Variants in MYO3B observed in about 807,000 individuals in gnomAD.
MYO3B encodes the protein myosin IIIB, also known as myosin-IIIb.
A neutral mutation model predicts 174.6 loss-of-function variants in MYO3B; 156 were observed. That is an observed-to-expected ratio of 0.89 (90% CI 0.78 to 1.02). The LOEUF (loss-of-function observed/expected upper bound fraction) is 1.02. Among genes scored for constraint, MYO3B ranks in the 50% least tolerant of loss-of-function variants. The pLI is 0.00. For synonymous variants in MYO3B, 563 were observed against 569.1 expected (o/e 0.99, Z 0.15); for missense variants, 1,632 against 1,639.4 (o/e 1.00, Z 0.08).
intron 1 of MYO3B, among the ~76,000 whole-genome samples, chr2:170,183,506 T>G (rs942906882): frequency 3.3e-5 from 5 of 152,166 alleles, no homozygotes; most frequent in Admixed American, 1.3e-4. Context: ...TTTTAACATA[T>G]AGAAAAATAT....
At chr2:170,559,248 G>GCACA (rs1691551861) in intron 32 of MYO3B, among the ~76,000 whole-genome samples, 2 of 152,168 alleles carry the variant, frequency 1.3e-5, no homozygotes, top group South Asian at 4.1e-4. Context: ...CTATTCTTAA[G>GCACA]GGCTCATTGG....
intron 32 of MYO3B, chr2:170,601,936 G>A (rs1694535403): frequency 2.4e-6 from 2 of 825,264 alleles, no homozygotes; most frequent in South Asian, 3.2e-5. Flanking sequence ...GGCCGAAGGA[G>A]GCCTCTTGGG....
At chr2:170,500,634 TA>T (rs1687200674) in intron 27 of MYO3B, among the ~76,000 whole-genome samples, 1 of 152,178 alleles carries the variant, frequency 6.6e-6, no homozygotes, top group African/African-American at 2.4e-5. Context: ...AACAAGTCTT[TA>T]CAACATGAGT....
At chr2:170,342,191 T>G (rs575344138) in intron 8 of MYO3B, 1 of 152,334 alleles carries the variant, frequency 6.6e-6, no homozygotes, top group East Asian at 1.9e-4. Context: ...GTCATAGATT[T>G]TATGTTAGTG....
intron 3 of MYO3B, 91 bp downstream of exon 3, chr2:170,200,375 C>T (rs1402344190): frequency 2.1e-6 from 3 of 1,442,342 alleles, no homozygotes; most frequent in Non-Finnish European, 2.8e-6. Context: ...TTAAGGTACA[C>T]ATTTGAGGAG....
chr2:170,581,132 A>T (rs1489323318), intron 32 of MYO3B, among the ~76,000 whole-genome samples: 1 of 152,182 alleles, frequency 6.6e-6, no homozygotes, highest in African/African-American at 2.4e-5. Flanking sequence ...ATTTGCACTC[A>T]TACCAGCAGA....
intron 32 of MYO3B, among the ~76,000 whole-genome samples, chr2:170,597,372 GA>G (rs1045370668): frequency 0.018 from 1,078 of 61,356 alleles, 15 homozygotes; most frequent in East Asian, 0.078. Context: ...CATCTCAAAA[GA>G]AAAAAAAAAA....
chr2:170,392,342 C>T (rs1307841720), intron 15 of MYO3B, 39 bp from the exon 16 acceptor site: 6 of 1,418,290 alleles, frequency 4.2e-6, no homozygotes, highest in African/African-American at 1.4e-5. Context: ...CTTTCCAAGT[C>T]AGTGCTCATT....
At chr2:170,593,195 T>C (rs1219006261) in intron 32 of MYO3B, among the ~76,000 whole-genome samples, 3 of 152,112 alleles carry the variant, frequency 2.0e-5, no homozygotes, top group Admixed American at 6.6e-5. Flanking sequence ...ATTCCTGAAC[T>C]CAAGCGATCC....
At chr2:170,375,407 G>A (rs1176759054) in intron 9 of MYO3B, among the ~76,000 whole-genome samples, 1 of 152,084 alleles carries the variant, frequency 6.6e-6, no homozygotes, top group Admixed American at 6.5e-5. Context: ...CCAGCATGCC[G>A]TGCCCCTGCA....
At chr2:170,556,832 A>AT (rs1338279113) in intron 32 of MYO3B, among the ~76,000 whole-genome samples, 22 of 152,302 alleles carry the variant, frequency 1.4e-4, no homozygotes, top group African/African-American at 5.1e-4. Flanking sequence ...AGATTTTGAC[A>AT]TTTTAATAGT....
intron 7 of MYO3B, among the ~76,000 whole-genome samples, chr2:170,327,860 C>CATATATATATAT (rs201033292): frequency 0.013 from 1,281 of 102,424 alleles, 17 homozygotes; most frequent in Middle Eastern, 0.041. Flanking sequence ...GAATTATTAG[C>CATATATATATAT]ATATATATAT....
At chr2:170,266,124 C>A (rs759309700) in intron 7 of MYO3B, among the ~76,000 whole-genome samples, 2 of 151,812 alleles carry the variant, frequency 1.3e-5, no homozygotes, top group Non-Finnish European at 2.9e-5. Flanking sequence ...TATGGTAAAT[C>A]CAATAATAAT....
intron 30 of MYO3B, among the ~76,000 whole-genome samples, chr2:170,527,708 A>T (rs1689093550): frequency 6.6e-6 from 1 of 152,228 alleles, no homozygotes; most frequent in Admixed American, 6.5e-5. Context: ...TACCTCAATG[A>T]CCTTGGGCAA....
chr2:170,561,542 G>A (rs556954683), intron 32 of MYO3B, among the ~76,000 whole-genome samples: 7 of 152,206 alleles, frequency 4.6e-5, no homozygotes, highest in Admixed American at 2.6e-4. Context: ...AATGTACACC[G>A]GCAACATTTT....
At chr2:170,240,914 C>T (rs963148355) in intron 7 of MYO3B, among the ~76,000 whole-genome samples, 4 of 152,112 alleles carry the variant, frequency 2.6e-5, no homozygotes, top group African/African-American at 9.7e-5. Context: ...TAATTTAGAA[C>T]ACTTAAGGCA....
At chr2:170,513,384 G>T (rs1282247656) in intron 28 of MYO3B, among the ~76,000 whole-genome samples, 1 of 152,112 alleles carries the variant, frequency 6.6e-6, no homozygotes, top group African/African-American at 2.4e-5. Context: ...TTGGTTCCTG[G>T]CAATCCTTGG....
chr2:170,532,721 C>T (rs1212422925), intron 30 of MYO3B, among the ~76,000 whole-genome samples: 1 of 149,222 alleles, frequency 6.7e-6, no homozygotes, highest in Admixed American at 6.8e-5. Flanking sequence ...GAGGCTGAGG[C>T]AGGAGAATCA....
intron 15 of MYO3B, 49 bp from the exon 16 acceptor site, chr2:170,392,332 C>T: frequency 7.4e-7 from 1 of 1,353,300 alleles, no homozygotes; most frequent in South Asian, 1.4e-5. Flanking sequence ...GCCTGTACTA[C>T]TTTCCAAGTC....
Sources: allele counts gnomAD v4.1 joint callset (sites outside exome capture counted in the v4.1 genomes callset), GRCh38; gene constraint gnomAD v4.1.1; transcripts MANE v1.5; gene names NCBI Gene and HGNC (gene_info 2026-07-23, HGNC 2026-07-21).